The following CDKAL1 variants were observed in gnomAD, a reference collection of about 807,000 sequenced individuals.
CDKAL1 encodes threonylcarbamoyladenosine tRNA methylthiotransferase.
Under a neutral mutation model 68.2 loss-of-function variants are expected in CDKAL1, and 32 were observed. The ratio of observed to expected loss-of-function variants is 0.47; its 90% CI spans 0.35 to 0.63. The LOEUF is 0.63. Among genes scored for constraint, CDKAL1 ranks in the 30% least tolerant of loss-of-function variants. CDKAL1 has a pLI of 0.00. For synonymous variants in CDKAL1, 234 were observed against 244.3 expected (o/e 0.96, Z 0.39); for missense variants, 606 against 696.7 (o/e 0.87, Z 1.47).
At chr6:20,878,657 G>A (rs1165956182) in intron 9 of CDKAL1, among the ~76,000 whole-genome samples, 1 of 151,842 alleles carries the variant, frequency 6.6e-6, no homozygotes, top group Non-Finnish European at 1.5e-5. Flanking sequence ...GCTTGAACTC[G>A]GGGAGTGGGC....
At chr6:20,843,568 G>A (rs949481980) in intron 8 of CDKAL1, among the ~76,000 whole-genome samples, 1 of 151,980 alleles carries the variant, frequency 6.6e-6, no homozygotes, top group Admixed American at 6.5e-5. Flanking sequence ...CACCTTATAC[G>A]CATAGCTTGA....
chr6:21,059,504 G>A (rs960179416), intron 11 of CDKAL1, among the ~76,000 whole-genome samples: 2 of 152,168 alleles, frequency 1.3e-5, no homozygotes, highest in Non-Finnish European at 2.9e-5. Flanking sequence ...TTCCTGGATG[G>A]GGTAGCACAA....
chr6:20,956,929 A>G (rs541283007), intron 10 of CDKAL1, among the ~76,000 whole-genome samples: 4 of 149,954 alleles, frequency 2.7e-5, no homozygotes, highest in African/African-American at 9.8e-5. Context: ...ATGATTTGCT[A>G]TTTAAAAATA....
Position 20,908,658 on chromosome 6 carries a change from GA to G in CDKAL1, c.743-46756del, listed in dbSNP as rs34713988. Among the ~76,000 whole-genome samples, 110 of 152,216 alleles carry G rather than the reference GA, an allele frequency of 7.2e-4. 1 individual carries two copies. The highest frequency in any genetic ancestry group is 1.4e-3 in the Non-Finnish European group (95 of 68,000). On this transcript the variant is annotated intron_variant, in intron 9 of 15. Transcript: ENST00000274695. ...CTTGAGATATTACAATGTCTTTAGG[GA>G]AAAAGGTTTCCTCCAGTTGACAATA...
intron 9 of CDKAL1, among the ~76,000 whole-genome samples, chr6:20,873,645 G>A (rs1760338131): frequency 6.6e-6 from 1 of 152,048 alleles, no homozygotes; most frequent in African/African-American, 2.4e-5. Context: ...TTTAGAATAG[G>A]GGCCATTAGA....
chr6:20,551,063 C>G (rs1413372032), intron 4 of CDKAL1, among the ~76,000 whole-genome samples: 1 of 151,782 alleles, frequency 6.6e-6, no homozygotes, highest in Non-Finnish European at 1.5e-5. Flanking sequence ...GACAGAGTTT[C>G]ACCGTGTTAG....
chr6:21,104,965 G>A (rs577377481), intron 12 of CDKAL1, among the ~76,000 whole-genome samples: 1 of 152,018 alleles, frequency 6.6e-6, no homozygotes. Context: ...CAGTTCTTGG[G>A]GCATCTCCTA....
intron 11 of CDKAL1, among the ~76,000 whole-genome samples, chr6:21,037,570 C>T (rs576724958): frequency 6.6e-6 from 1 of 152,188 alleles, no homozygotes; most frequent in Non-Finnish European, 1.5e-5. Flanking sequence ...TATTCTATAT[C>T]TGTGCTGTGG....
chr6:20,907,024 C>CA (rs1762258743), intron 9 of CDKAL1, among the ~76,000 whole-genome samples: 1 of 152,004 alleles, frequency 6.6e-6, no homozygotes, highest in Non-Finnish European at 1.5e-5. Context: ...TTAAAGTAGT[C>CA]AAAATCATAG....
At chr6:21,030,890 T>A (rs914346193) in intron 11 of CDKAL1, among the ~76,000 whole-genome samples, 1 of 152,132 alleles carries the variant, frequency 6.6e-6, no homozygotes, top group Non-Finnish European at 1.5e-5. Context: ...CTCTCTTCAT[T>A]GAAGCTGACA....
intron 6 of CDKAL1, among the ~76,000 whole-genome samples, chr6:20,740,353 G>C (rs112755989): frequency 4.5e-4 from 69 of 152,182 alleles, no homozygotes; most frequent in African/African-American, 1.7e-3. Context: ...AGTCAGCTCT[G>C]TGAAGTAAGG....
chr6:20,588,550 T>A (rs1254907239), intron 4 of CDKAL1, among the ~76,000 whole-genome samples: 1 of 152,250 alleles, frequency 6.6e-6, no homozygotes, highest in Non-Finnish European at 1.5e-5. Flanking sequence ...AGAATCTCTT[T>A]GAAGTTTTCT....
chr6:21,105,782 G>A (rs1202204506), intron 12 of CDKAL1, among the ~76,000 whole-genome samples: 1 of 152,198 alleles, frequency 6.6e-6, no homozygotes, highest in Non-Finnish European at 1.5e-5. Flanking sequence ...GACAGGGGCA[G>A]TGTTAGGGAC....
intron 13 of CDKAL1, among the ~76,000 whole-genome samples, chr6:21,110,571 T>C (rs1015454856): frequency 6.6e-6 from 1 of 152,252 alleles, no homozygotes; most frequent in Non-Finnish European, 1.5e-5. Flanking sequence ...AGACATCTCA[T>C]GCTCAGTGAG....
At chr6:21,103,576 C>G (rs1773697112) in intron 12 of CDKAL1, among the ~76,000 whole-genome samples, 1 of 152,066 alleles carries the variant, frequency 6.6e-6, no homozygotes, top group Admixed American at 6.6e-5. Flanking sequence ...TGCATACTGC[C>G]TCATTTTTTA....
Position 21,195,473 on chromosome 6 carries a change from TTTTTTTTATTTATTTATTTA to T in CDKAL1, c.1300-2544_1300-2525del, listed in dbSNP as rs774834089. ...CCATCGTGCCTGGCCTCTGGAGATG[TTTTTTTTATTTATTTATTTA>T]TTTATTTATTTATTTATTTATTTAT... On this transcript the variant is annotated intron_variant, in intron 13 of 15. Coordinates refer to ENST00000274695, the MANE Select transcript of CDKAL1 (RefSeq NM_017774.3). Among the ~76,000 whole-genome samples, 120 of 118,144 alleles carry T rather than the reference TTTTTTTTATTTATTTATTTA, an allele frequency of 1.0e-3. 1 individual carries two copies. Among genetic ancestry groups the T allele is most frequent in the Middle Eastern group, 4.0e-3 (1 of 252 alleles). The allele number at this position is 118,144 out of a possible 152,430, so 77.5% of individuals were successfully genotyped here.
intron 8 of CDKAL1, among the ~76,000 whole-genome samples, chr6:20,783,913 A>G (rs1273445184): frequency 1.3e-5 from 2 of 152,136 alleles, no homozygotes; most frequent in African/African-American, 4.8e-5. Flanking sequence ...CAAGTACCTC[A>G]TATAAAATGG....
At chr6:21,077,362 G>A (rs1383428118) in intron 12 of CDKAL1, among the ~76,000 whole-genome samples, 1 of 152,106 alleles carries the variant, frequency 6.6e-6, no homozygotes, top group East Asian at 1.9e-4. Flanking sequence ...GCAGAGTAAC[G>A]GGTCCTCAAA....
intron 5 of CDKAL1, among the ~76,000 whole-genome samples, chr6:20,738,896 T>C (rs919173160): frequency 2.0e-5 from 3 of 152,232 alleles, no homozygotes; most frequent in Non-Finnish European, 2.9e-5. Context: ...TCTTCAAATA[T>C]GTTTGTATGT....
Sources: allele counts gnomAD v4.1 joint callset (sites outside exome capture counted in the v4.1 genomes callset), GRCh38; gene constraint gnomAD v4.1.1; transcripts MANE v1.5; gene names NCBI Gene and HGNC (gene_info 2026-07-23, HGNC 2026-07-21).